Variants in AP1G1 observed in about 807,000 individuals in gnomAD.
AP1G1 encodes the protein adaptor related protein complex 1 subunit gamma 1, also known as AP-1 complex subunit gamma-1.
AP1G1 carries 7 observed loss-of-function variants against 108.3 expected under a neutral mutation model. The observed-to-expected ratio is 0.06, with a 90% CI of 0.04 to 0.12. The LOEUF is 0.12. Ranked by LOEUF, AP1G1 falls within the 10% of genes least tolerant of loss-of-function variation. AP1G1 has a pLI of 1.00. For missense variants in AP1G1, 756 were observed against 1,010.7 expected (o/e 0.75, Z 3.42); for synonymous variants, 379 against 353.5 (o/e 1.07, Z -0.81).
intron 22 of AP1G1, among the ~76,000 whole-genome samples, chr16:71,733,438 TTTTTC>T (rs747008630): frequency 2.0e-5 from 3 of 152,202 alleles, no homozygotes; most frequent in South Asian, 2.1e-4. Context: ...TTGGGAGCAT[TTTTTC>T]TTTTCTTTTC....
At chr16:71,744,486 A>G (rs2030056125) in intron 19 of AP1G1, among the ~76,000 whole-genome samples, 1 of 152,212 alleles carries the variant, frequency 6.6e-6, no homozygotes, top group South Asian at 2.1e-4. Flanking sequence ...CATTAGTGGG[A>G]AGGAACCAAG....
Position 71,773,252 on chromosome 16 carries a change from A to T in AP1G1, c.437T>A (p.Leu146Gln). Reference sequence around the variant, plus strand: ...TCTTAAGTAAGAGTTGGAGGTTTTCAGGAGCTTCTCTACCTCTCCTGCAAG... The same window carrying T: ...TCTTAAGTAAGAGTTGGAGGTTTTCTGGAGCTTCTCTACCTCTCCTGCAAG... ...RDLAGEVEKLLKTSNSYLRKK... is the reference protein window; with the variant it reads ...RDLAGEVEKLQKTSNSYLRKK... Residue 146 changes from leucine (L) to glutamine (Q), a missense_variant, in exon 4 of 23, where the codon CTG (leucine) becomes CAG (glutamine). This residue lies in a region of AP1G1 where 304 missense variants were observed against 483.6 expected (regional missense o/e 0.63). Transcript: ENST00000299980. The T allele has an allele frequency of 6.2e-7, 1 of 1,613,736 alleles. No homozygotes were observed. The highest frequency in any genetic ancestry group is 8.5e-7 in the Non-Finnish European group (1 of 1,179,958).
intron 1 of AP1G1, chr16:71,808,261 G>A (rs1344453304): frequency 9.9e-6 from 10 of 1,010,108 alleles, no homozygotes; most frequent in Non-Finnish European, 1.2e-5. Context: ...AGGTTAGAGA[G>A]AGGCGAGGCC....
intron 2 of AP1G1, among the ~76,000 whole-genome samples, chr16:71,783,254 A>G (rs1252590114): frequency 6.6e-6 from 1 of 152,174 alleles, no homozygotes; most frequent in African/African-American, 2.4e-5. Context: ...AAGAAAATGT[A>G]TAAGGATATC....
At chr16:71,791,268 G>C (rs544011087) in intron 1 of AP1G1, among the ~76,000 whole-genome samples, 1 of 148,894 alleles carries the variant, frequency 6.7e-6, no homozygotes, top group Non-Finnish European at 1.5e-5. Flanking sequence ...AATCCTCACA[G>C]AACTGTAAAA....
chr16:71,796,065 A>T (rs1044487925), intron 1 of AP1G1, among the ~76,000 whole-genome samples: 2 of 152,146 alleles, frequency 1.3e-5, no homozygotes, highest in African/African-American at 4.8e-5. Context: ...GGCGACACCC[A>T]GTCTCTACTA....
At chr16:71,737,312 C>T (rs2045562333) in intron 21 of AP1G1, among the ~76,000 whole-genome samples, 2 of 152,206 alleles carry the variant, frequency 1.3e-5, no homozygotes, top group African/African-American at 4.8e-5. Context: ...TGGACAGCGT[C>T]TCACTCTATC....
chr16:71,761,160 AACACAGAC>A (rs2031066607), intron 10 of AP1G1, among the ~76,000 whole-genome samples: 1 of 152,194 alleles, frequency 6.6e-6, no homozygotes, highest in South Asian at 2.1e-4. Flanking sequence ...CAATTTACTG[AACACAGAC>A]ACACTCATCA....
intron 9 of AP1G1, among the ~76,000 whole-genome samples, chr16:71,762,349 C>T (rs2031128665): frequency 6.6e-6 from 1 of 152,150 alleles, no homozygotes; most frequent in African/African-American, 2.4e-5. Flanking sequence ...TCCTGGCATA[C>T]AACTCCTAAA....
chr16:71,805,743 TAAAAGTTTTG>T, intron 1 of AP1G1, among the ~76,000 whole-genome samples: 1 of 152,244 alleles, frequency 6.6e-6, no homozygotes, highest in South Asian at 2.1e-4. Flanking sequence ...TTGTATAAAT[TAAAAGTTTTG>T]GCCAGGTGAG....
intron 11 of AP1G1, among the ~76,000 whole-genome samples, chr16:71,756,549 CAT>C (rs1405463619): frequency 6.6e-6 from 1 of 152,198 alleles, no homozygotes; most frequent in Non-Finnish European, 1.5e-5. Flanking sequence ...AAAAATGTGA[CAT>C]GTTAAGTCAC....
chr16:71,808,557 C>T lies in AP1G1; in HGVS notation c.-4+206G>A, dbSNP rs371297605. On this transcript the variant is annotated intron_variant, in intron 1 of 22. Transcript: ENST00000299980. ...GCCGCGGCGCGCGGAACCTCCCGGT[C>T]CGAGGCCTCGGGGTCGGCCCTCCAG... The T allele has an allele frequency of 1.7e-4, 214 of 1,288,320 alleles. No homozygotes were observed. In the African/African-American group the frequency reaches 2.9e-3, roughly 17 times the overall value. The allele number at this position is 1,288,320 out of a possible 1,614,324, so 79.8% of individuals were successfully genotyped here. A position where few individuals can be genotyped will look rare whatever the true frequency, so the allele number is the denominator to read the frequency against.
intron 2 of AP1G1, chr16:71,777,810 C>A: frequency 2.5e-6 from 1 of 402,802 alleles, no homozygotes; most frequent in Non-Finnish European, 5.1e-6. Flanking sequence ...AACTCAGCCA[C>A]TGCCTCCATG....
At position 71,732,963 on chromosome 16, in the gene AP1G1, G is replaced by C. The variant is rs544927536; in HGVS notation, c.*95C>G. The C allele has an allele frequency of 4.3e-6, 4 of 928,986 alleles. No homozygotes were observed. The highest frequency in any genetic ancestry group is 1.6e-5 in the African/African-American group (1 of 60,702). 57.5% of individuals were successfully genotyped at this position (928,986 alleles called of 1,614,324 possible). A position where few individuals can be genotyped will look rare whatever the true frequency, so the allele number is the denominator to read the frequency against. On this transcript the variant is annotated 3_prime_UTR_variant, in exon 23 of 23. Transcript: ENST00000299980. ...CAGTTCTCTTCAGCTCCTCATGCCC[G>C]TGGTACAGTTGGGGGGGACTTGCCA...
intron 4 of AP1G1, chr16:71,772,937 C>A: frequency 2.2e-6 from 1 of 450,724 alleles, no homozygotes; most frequent in South Asian, 1.8e-5. Context: ...AAAGTAAATT[C>A]ATAAAAATCT....
chr16:71,733,759 G>T (rs1318667318), intron 22 of AP1G1, among the ~76,000 whole-genome samples: 1 of 152,164 alleles, frequency 6.6e-6, no homozygotes, highest in African/African-American at 2.4e-5. Context: ...CTCATCGTAC[G>T]CTCTCCATTC....
At chr16:71,780,584 C>G (rs1360149147) in intron 2 of AP1G1, among the ~76,000 whole-genome samples, 2 of 150,986 alleles carry the variant, frequency 1.3e-5, no homozygotes, top group East Asian at 3.9e-4. Flanking sequence ...TAAATTTTAA[C>G]AGGCCTGCAA....
intron 1 of AP1G1, among the ~76,000 whole-genome samples, chr16:71,803,674 C>G (rs1252419619): frequency 6.6e-6 from 1 of 152,126 alleles, no homozygotes; most frequent in African/African-American, 2.4e-5. Context: ...CCTGTAATCC[C>G]AGCACTTTGG....
At chr16:71,777,691 A>G (rs2031843290) in intron 2 of AP1G1, 1 of 442,596 alleles carries the variant, frequency 2.3e-6, no homozygotes, top group Non-Finnish European at 4.7e-6. Context: ...GCCCTTCATC[A>G]TCTCCTTCTT....
Sources: allele counts gnomAD v4.1 joint callset (sites outside exome capture counted in the v4.1 genomes callset), GRCh38; gene constraint gnomAD v4.1.1; regional missense constraint gnomAD v4.1.1; transcripts MANE v1.5; gene names NCBI Gene and HGNC (gene_info 2026-07-23, HGNC 2026-07-21).